The following TTBK2 variants were observed in gnomAD, a reference collection of about 807,000 sequenced individuals.
The protein encoded by TTBK2 is tau-tubulin kinase 2.
Under a neutral mutation model 110.8 loss-of-function variants are expected in TTBK2, and 28 were observed. The ratio of observed to expected loss-of-function variants is 0.25; its 90% CI spans 0.19 to 0.35. The LOEUF (loss-of-function observed/expected upper bound fraction) is 0.35, where lower values mean the gene tolerates loss of function less well. Among genes scored for constraint, TTBK2 ranks in the 10% least tolerant of loss-of-function variants. The probability of loss-of-function intolerance (pLI) is 1.00; values close to 1 mark genes in which losing one functional copy is unlikely to be tolerated. For synonymous variants in TTBK2, 532 were observed against 527.3 expected, an observed-to-expected ratio of 1.01 and a Z score of -0.12; for missense variants, 1,369 against 1,500.3, an observed-to-expected ratio of 0.91 and a Z score of 1.45.
Position 42,767,881 on chromosome 15 carries a change from G to A in TTBK2, c.1998+7254C>T, listed in dbSNP as rs574718818. Among the ~76,000 whole-genome samples, 14 of 152,248 alleles carry A rather than the reference G, an allele frequency of 9.2e-5. No homozygotes were observed. The South Asian group carries it at 1.7e-3, about 18-fold the overall frequency. On this transcript the variant is annotated intron_variant, in intron 13 of 14. Transcript: ENST00000267890. The stretch of plus-strand genomic sequence containing the variant: ...ATCCTCAATAAAATACCGGCAAACC[G>A]AATCCAGCAGCACGTCAAAAAGCTT...
intron 4 of TTBK2, among the ~76,000 whole-genome samples, chr15:42,830,937 G>A (rs1430229002): frequency 5.9e-5 from 9 of 151,826 alleles, no homozygotes; most frequent in South Asian, 2.1e-4. Context: ...CCAGGGAGGC[G>A]GAGGTTGCAG....
intron 13 of TTBK2, among the ~76,000 whole-genome samples, chr15:42,756,142 A>T (rs1270583284): frequency 6.6e-6 from 1 of 152,118 alleles, no homozygotes; most frequent in Non-Finnish European, 1.5e-5. Context: ...GGATGCAGTG[A>T]GCCAAGATCA....
intron 3 of TTBK2, among the ~76,000 whole-genome samples, chr15:42,858,191 A>G (rs1379889736): frequency 6.6e-6 from 1 of 152,188 alleles, no homozygotes; most frequent in Non-Finnish European, 1.5e-5. Flanking sequence ...ATTTTGATAC[A>G]TCTCCAAACA....
chr15:42,798,183 C>T, intron 9 of TTBK2: 1 of 455,912 alleles, frequency 2.2e-6, no homozygotes, highest in Admixed American at 2.4e-5. Context: ...CATGCCCAGC[C>T]TCTCATTCTT....
chr15:42,918,796 CTT>C (rs767160676), intron 1 of TTBK2, among the ~76,000 whole-genome samples: 3 of 152,086 alleles, frequency 2.0e-5, no homozygotes, highest in African/African-American at 4.8e-5. Flanking sequence ...ATAATCAACA[CTT>C]AAAATCAAAA....
rs1891673284 is a variant in TTBK2 at position 42,810,719 on chromosome 15, C to T, written c.717G>A (p.Lys239=). 6.2e-7 allele frequency: 1 copy of T among 1,613,496 alleles called. No individual in the cohort carries two copies. Among genetic ancestry groups the T allele is most frequent in the South Asian group, 1.1e-5 (1 of 91,074 alleles). The change falls in exon 9 of 15, where the codon AAG becomes AAA. Residue 239 remains lysine (K), a synonymous_variant. Coordinates refer to ENST00000267890, the MANE Select transcript of TTBK2 (RefSeq NM_173500.4). Reference sequence around the variant, plus strand: ...ACATGAGCCTGTGGTCATATCTCTCCTTAATAGAGCCTACTTGCTCCTGGG... The same window carrying T: ...ACATGAGCCTGTGGTCATATCTCTCTTTAATAGAGCCTACTTGCTCCTGGG... The part of the protein sequence containing the change: ...IKDKEQVGSI[K]ERYDHRLMLK...
intron 6 of TTBK2, among the ~76,000 whole-genome samples, chr15:42,821,092 G>A (rs918743473): frequency 3.3e-5 from 5 of 151,852 alleles, no homozygotes; most frequent in African/African-American, 2.4e-5. Context: ...TGGAAAGATC[G>A]TCTACATACA....
intron 1 of TTBK2, among the ~76,000 whole-genome samples, chr15:42,881,279 T>C (rs1596017786): frequency 1.2e-5 from 1 of 81,750 alleles, no homozygotes; most frequent in South Asian, 4.3e-4. Flanking sequence ...CAAGCTTCCG[T>C]CTCAAAAAAA....
intron 1 of TTBK2, among the ~76,000 whole-genome samples, chr15:42,908,555 C>A (rs1380660093): frequency 6.6e-6 from 1 of 152,166 alleles, no homozygotes. Flanking sequence ...GAAGCATTAT[C>A]ATAGTTAATA....
chr15:42,903,948 T>C (rs573969242), intron 1 of TTBK2, among the ~76,000 whole-genome samples: 1 of 152,344 alleles, frequency 6.6e-6, no homozygotes, highest in South Asian at 2.1e-4. Context: ...CAGCTTCTGC[T>C]AGAATATTAC....
intron 1 of TTBK2, among the ~76,000 whole-genome samples, chr15:42,911,923 T>G (rs1391377681): frequency 2.6e-5 from 4 of 151,662 alleles, no homozygotes; most frequent in African/African-American, 4.9e-5. Flanking sequence ...AGACCACACA[T>G]GAAATATACT....
intron 1 of TTBK2, among the ~76,000 whole-genome samples, chr15:42,883,062 G>A: frequency 6.6e-6 from 1 of 152,062 alleles, no homozygotes; most frequent in East Asian, 1.9e-4. Flanking sequence ...GATTTCCAAT[G>A]TAAACAGATA....
intron 13 of TTBK2, among the ~76,000 whole-genome samples, chr15:42,763,169 T>C (rs929097524): frequency 1.7e-3 from 25 of 14,876 alleles, no homozygotes; most frequent in African/African-American, 5.9e-3. Context: ...TATATATATA[T>C]ATATATATAT....
At chr15:42,811,220 T>C (rs1891708005) in intron 8 of TTBK2, among the ~76,000 whole-genome samples, 1 of 152,174 alleles carries the variant, frequency 6.6e-6, no homozygotes, top group South Asian at 2.1e-4. Context: ...TCTCGAATTT[T>C]TGGGCTCAAG....
intron 3 of TTBK2, among the ~76,000 whole-genome samples, chr15:42,842,236 C>A (rs986951378): frequency 8.6e-5 from 13 of 151,912 alleles, no homozygotes; most frequent in Non-Finnish European, 1.8e-4. Context: ...AAATAAGAGT[C>A]CCTCAAGGAA....
At position 42,827,905 on chromosome 15, in the gene TTBK2, G is replaced by T. The variant is rs751467804; in HGVS notation, c.537+23C>A. The stretch of plus-strand genomic sequence containing the variant: ...ATACCAGGGTAATTATCAAATATTT[G>T]ATAATAATATGAAAAATCTTACTGG... On this transcript the variant is annotated intron_variant, in intron 6 of 14. Coordinates refer to ENST00000267890, the MANE Select transcript of TTBK2 (RefSeq NM_173500.4). The T allele has an allele frequency of 6.2e-5, 98 of 1,575,756 alleles. No individual in the cohort carries two copies. In the Middle Eastern group the frequency reaches 1.0e-3, roughly 16 times the overall value.
chr15:42,752,675 T>C lies in TTBK2; in HGVS notation c.2571A>G (p.Arg857=). 2 of 1,614,176 alleles carry C rather than the reference T, an allele frequency of 1.2e-6. No homozygotes were observed. Among genetic ancestry groups the C allele is most frequent in the South Asian group, 1.1e-5 (1 of 91,080 alleles). The change falls in exon 14 of 15, where the codon AGA becomes AGG. Residue 857 remains arginine, a synonymous_variant. Transcript: ENST00000267890. ...GACCTTCAACATGTGGGTCAATGTC[T>C]CTGGAAGAAATTTCTGAAGTTCCAA... ...LTVGTSEISS[R]DIDPHVEGQI...
intron 1 of TTBK2, among the ~76,000 whole-genome samples, chr15:42,916,609 G>A (rs1021925251): frequency 6.6e-6 from 1 of 152,200 alleles, no homozygotes; most frequent in Non-Finnish European, 1.5e-5. Flanking sequence ...AGGATTACAC[G>A]TGTGAGCCAC....
intron 10 of TTBK2, among the ~76,000 whole-genome samples, chr15:42,789,880 T>C (rs200931241): frequency 1.9e-4 from 6 of 30,796 alleles, no homozygotes; most frequent in South Asian, 1.6e-3. Context: ...CACACACATA[T>C]ACATTTTCTT....
Sources: allele counts gnomAD v4.1 joint callset (sites outside exome capture counted in the v4.1 genomes callset), GRCh38; gene constraint gnomAD v4.1.1; transcripts MANE v1.5; gene names NCBI Gene and HGNC (gene_info 2026-07-23, HGNC 2026-07-21).